Variants in CCDC80 observed in about 807,000 individuals in gnomAD.
CCDC80 encodes the protein coiled-coil domain containing 80.
A neutral mutation model predicts 78.7 loss-of-function variants in CCDC80; 49 were observed. The observed-to-expected ratio is 0.62, with a 90% CI of 0.50 to 0.79. The LOEUF (loss-of-function observed/expected upper bound fraction) is 0.79, where lower values mean the gene tolerates loss of function less well. CCDC80 is among the 30% of genes least tolerant of loss of function. CCDC80 has a pLI of 0.00. For missense variants in CCDC80, 1,205 were observed against 1,198.6 expected (o/e 1.01, Z -0.08); for synonymous variants, 488 against 447.0 (o/e 1.09, Z -1.16).
chr3:112,622,707 G>T (rs1935891026), intron 3 of CCDC80, among the ~76,000 whole-genome samples: 1 of 151,934 alleles, frequency 6.6e-6, no homozygotes, highest in East Asian at 1.9e-4. Context: ...CCAGGCAGGA[G>T]TGCAGTGGTG....
Position 112,605,574 on chromosome 3 carries a change from C to T in CCDC80, c.2696G>A (p.Arg899Gln). 1 of 1,614,154 alleles carries T rather than the reference C, an allele frequency of 6.2e-7. No homozygotes were observed. The highest frequency in any genetic ancestry group is 8.5e-7 in the Non-Finnish European group (1 of 1,180,026). The change falls in exon 8 of 8, where the codon CGG becomes CAG. Residue 899 changes from arginine (R) to glutamine (Q), a missense_variant. Transcript: ENST00000206423. ...CTGCTGAATCGCCATTTCCTGTCTC[C>T]GAAGTTGCATCGAATCAATTAAATC... ...VYDLIDSMQL[R>Q]RQEMAIQQSL...
chr3:112,623,101 C>G lies in CCDC80; in HGVS notation c.2036-3997G>C, dbSNP rs191759353. On this transcript the variant is annotated intron_variant, in intron 3 of 7. Transcript: ENST00000206423. ...CCTAAGATTATTGAGGTGAGGGATT[C>G]CCAGGGAAGGTGAACTCTGTTATGT... 1.4e-4 allele frequency among the ~76,000 whole-genome samples: 22 copies of G among 152,234 alleles called. No individual in the cohort carries two copies. In the East Asian group the frequency reaches 4.1e-3, roughly 28 times the overall value.
rs547479466 is a variant in CCDC80, at chr3:112,631,971, C to A, written c.1879-1702G>T. On this transcript the variant is annotated intron_variant, in intron 2 of 7. Coordinates refer to ENST00000206423, the MANE Select transcript of CCDC80 (RefSeq NM_199511.3). The stretch of plus-strand genomic sequence containing the variant: ...TCATGTGTTTCTATGCCTGCTCATA[C>A]GGACATTCTGGGTAGGAAATGCTTG... Among the ~76,000 whole-genome samples the A allele has an allele frequency of 2.0e-5, 3 of 152,186 alleles. No homozygotes were observed. In the East Asian group the frequency reaches 5.8e-4, roughly 29 times the overall value.
chr3:112,631,660 T>C (rs1203205512), intron 2 of CCDC80, among the ~76,000 whole-genome samples: 1 of 152,204 alleles, frequency 6.6e-6, no homozygotes, highest in Non-Finnish European at 1.5e-5. Context: ...CACCAGGCTG[T>C]GTACCTCTTC....
At chr3:112,622,951 T>C (rs1248776295) in intron 3 of CCDC80, among the ~76,000 whole-genome samples, 2 of 151,664 alleles carry the variant, frequency 1.3e-5, no homozygotes, top group Non-Finnish European at 2.9e-5. Context: ...GCTGGGATTA[T>C]AGGCATGAGC....
chr3:112,605,990 T>C (rs1012802551), intron 7 of CCDC80, among the ~76,000 whole-genome samples: 2 of 152,240 alleles, frequency 1.3e-5, no homozygotes, highest in Non-Finnish European at 1.5e-5. Flanking sequence ...TCGATGTGTC[T>C]TTTGTAGGAA....
At chr3:112,635,378 A>G (rs116421924) in intron 2 of CCDC80, among the ~76,000 whole-genome samples, 2,002 of 152,316 alleles carry the variant, frequency 0.013, 43 homozygotes, top group African/African-American at 0.044. Context: ...GTTCTCAGCC[A>G]TACTTAAACA....
Position 112,611,191 on chromosome 3 carries a change from G to A in CCDC80, c.2322-1110C>T, listed in dbSNP as rs183500066. ...GCCTCCCAAAGTGCTGGGATTACAG[G>A]CGTGAGCCACTGCGCCCAGCCTTCC... On this transcript the variant is annotated intron_variant, in intron 5 of 7. Coordinates refer to ENST00000206423, the MANE Select transcript of CCDC80 (RefSeq NM_199511.3). 2.8e-3 allele frequency among the ~76,000 whole-genome samples: 431 copies of A among 152,238 alleles called. 4 individuals carry two copies. Among genetic ancestry groups the A allele is most frequent in the African/African-American group, 9.9e-3 (412 of 41,544 alleles).
chr3:112,597,098 C>T lies in CCDC80; in HGVS notation c.*8319G>A, dbSNP rs1935295424. 6.6e-6 allele frequency: 1 copy of T among 152,174 alleles called. No homozygotes were observed. The highest frequency in any genetic ancestry group is 1.5e-5 in the Non-Finnish European group (1 of 68,038). 9.4% of individuals were successfully genotyped at this position (152,174 alleles called of 1,614,324 possible). On this transcript the variant is annotated 3_prime_UTR_variant, in exon 8 of 8. Transcript: ENST00000206423. ...CATTAAAGAAACTGACCCTGGTGATCACCAGAGTAGTTTCAGACTATAAAC... is the reference window on the plus strand; with the variant it reads ...CATTAAAGAAACTGACCCTGGTGATTACCAGAGTAGTTTCAGACTATAAAC...
At chr3:112,623,370 T>C (rs1935905641) in intron 3 of CCDC80, among the ~76,000 whole-genome samples, 1 of 152,222 alleles carries the variant, frequency 6.6e-6, no homozygotes, top group Admixed American at 6.5e-5. Flanking sequence ...GCTTTCCTTG[T>C]GACATCCGTG....
chr3:112,633,054 A>G (rs1047593231), intron 2 of CCDC80, among the ~76,000 whole-genome samples: 18 of 152,172 alleles, frequency 1.2e-4, no homozygotes, highest in African/African-American at 4.3e-4. Context: ...AATCCACTTA[A>G]TCTTCTGAAG....
Position 112,638,141 on chromosome 3 carries a change from C to T in CCDC80, c.1765G>A (p.Gly589Ser), listed in dbSNP as rs765287493. Residue 589 changes from glycine to serine, a missense_variant, in exon 2 of 8, where the codon GGT (glycine) becomes AGT (serine). By Grantham distance (56) the Gly-to-Ser change is moderately conservative. Coordinates refer to ENST00000206423, the MANE Select transcript of CCDC80 (RefSeq NM_199511.3). ...EKEKSKKKKGGKTEQDGYQKP... is the reference protein window; with the variant it reads ...EKEKSKKKKGSKTEQDGYQKP... The stretch of plus-strand genomic sequence containing the variant: ...TGATAGCCATCCTGTTCTGTTTTAC[C>T]TCCTTTTTTCTTCTTGCTCTTCTCT... The T allele has an allele frequency of 3.1e-6, 5 of 1,614,150 alleles. No homozygotes were observed. The Admixed American group carries it at 6.7e-5, about 22-fold the overall frequency.
In CCDC80 at chr3:112,597,507, A is replaced by G. The variant is rs1311419830; in HGVS notation, c.*7910T>C. ...ATCTTGGTGAAATTTTTTTCTATGA[A>G]TTCATTACTTTTTAGTTTATTTCAG... On this transcript the variant is annotated 3_prime_UTR_variant, in exon 8 of 8. Transcript: ENST00000206423. The G allele has an allele frequency of 6.6e-6, 1 of 151,986 alleles. No homozygotes were observed. Among genetic ancestry groups the G allele is most frequent in the Non-Finnish European group, 1.5e-5 (1 of 68,012 alleles). 9.4% of individuals were successfully genotyped at this position (151,986 alleles called of 1,614,324 possible).
chr3:112,630,165 G>A lies in CCDC80; in HGVS notation c.1983C>T (p.Thr661=). 1 of 1,613,910 alleles carries A rather than the reference G, an allele frequency of 6.2e-7. No homozygotes were observed. The highest frequency in any genetic ancestry group is 8.5e-7 in the Non-Finnish European group (1 of 1,179,840). ...KMATRKISVI[T]IFGPVNNSTM... is the part of the protein sequence containing the mutation. ...TGCTGTTGTTGACAGGGCCGAAGAT[G>A]GTGATCACAGAGATTTTCCTGGTAG... Residue 661 remains threonine, a synonymous_variant, in exon 3 of 8, where the codon ACC becomes ACT. Transcript: ENST00000206423.
Position 112,610,329 on chromosome 3 carries a change from T to G in CCDC80, c.2322-248A>C, listed in dbSNP as rs116306624. On this transcript the variant is annotated intron_variant, in intron 5 of 7. Coordinates refer to ENST00000206423, the MANE Select transcript of CCDC80 (RefSeq NM_199511.3). ...GCATGACGTGTCAAGCATGAGTCTGTGGTCACAATGCCTAATGAGGTCACT... is the reference window on the plus strand; with the variant it reads ...GCATGACGTGTCAAGCATGAGTCTGGGGTCACAATGCCTAATGAGGTCACT... 1.1e-3 allele frequency: 565 copies of G among 492,832 alleles called. 6 individuals carry two copies. The highest frequency in any genetic ancestry group is 0.01 in the African/African-American group (530 of 51,418). 30.5% of individuals were successfully genotyped at this position (492,832 alleles called of 1,614,324 possible).
Position 112,619,086 on chromosome 3 carries a change from C to G in CCDC80, c.2054G>C (p.Arg685Pro). 6.3e-7 allele frequency: 1 copy of G among 1,594,562 alleles called. No individual in the cohort carries two copies. Among genetic ancestry groups the G allele is most frequent in the Non-Finnish European group, 8.5e-7 (1 of 1,173,260 alleles). Residue 685 changes from arginine (R) to proline (P), a missense_variant, in exon 4 of 8, where the codon CGA (arginine) becomes CCA (proline). Transcript: ENST00000206423. ...TACCAAGTCTTCATCATCCACCACT[C>G]GCATGGGCTTCTCATTATCTTAAGG... ...HFQLDNEKPMRVVDDEDLVDQ... is the reference protein window; with the variant it reads ...HFQLDNEKPMPVVDDEDLVDQ...
chr3:112,614,632 C>T (rs191294458), intron 5 of CCDC80, among the ~76,000 whole-genome samples: 243 of 152,118 alleles, frequency 1.6e-3, no homozygotes, highest in Middle Eastern at 0.01. Context: ...GTTTCCATTA[C>T]GGATACTTGT....
Position 112,605,460 on chromosome 3 carries a change from T to TCATCCTGGTAAC in CCDC80, c.2798_2809dup (p.Gly933_Asp936dup), listed in dbSNP as rs751367299. 2 of 1,614,090 alleles carry TCATCCTGGTAAC rather than the reference T, an allele frequency of 1.2e-6. No individual in the cohort carries two copies. The highest frequency in any genetic ancestry group is 3.3e-5 in the Admixed American group (2 of 60,010). ...GTGATAACTCTCATGATGACGGTAGTCATCCTGGTAACCATCCTGGTATCC... is the reference window on the plus strand; with the variant it reads ...GTGATAACTCTCATGATGACGGTAGTCATCCTGGTAACCATCCTGGTAACCATCCTGGTATCC... On this transcript the variant is annotated inframe_insertion, in exon 8 of 8. Coordinates refer to ENST00000206423, the MANE Select transcript of CCDC80 (RefSeq NM_199511.3).
intron 6 of CCDC80, among the ~76,000 whole-genome samples, chr3:112,609,277 A>T (rs1347138134): frequency 6.6e-6 from 1 of 152,222 alleles, no homozygotes; most frequent in Admixed American, 6.5e-5. Context: ...AAATGACATT[A>T]GCTCTCTCAG....
Sources: allele counts gnomAD v4.1 joint callset (sites outside exome capture counted in the v4.1 genomes callset), GRCh38; gene constraint gnomAD v4.1.1; transcripts MANE v1.5; gene names NCBI Gene and HGNC (gene_info 2026-07-23, HGNC 2026-07-21).